Variants in MYOM2 observed in about 807,000 individuals in gnomAD.
MYOM2 encodes the protein myomesin 2, also known as myomesin-2.
In MYOM2, 254 loss-of-function variants were observed where a neutral mutation model predicts 187.6. The ratio of observed to expected loss-of-function variants is 1.35; its 90% CI spans 1.22 to 1.50. The LOEUF (loss-of-function observed/expected upper bound fraction) is 1.50, where lower values mean the gene tolerates loss of function less well. Among genes scored for constraint, MYOM2 ranks in the 40% most tolerant of loss-of-function variants. The probability of loss-of-function intolerance (pLI) is 0.00; values close to 1 mark genes in which losing one functional copy is unlikely to be tolerated. For missense variants in MYOM2, 2,796 were observed against 1,924.0 expected (o/e 1.45, Z -8.48); for synonymous variants, 981 against 753.8 (o/e 1.30, Z -4.94).
At chr8:2,127,168 C>A (rs970523278) in intron 31 of MYOM2, among the ~76,000 whole-genome samples, 3 of 152,018 alleles carry the variant, frequency 2.0e-5, no homozygotes, top group Non-Finnish European at 2.9e-5. Context: ...TATGGCTCTG[C>A]AGTGTGTTGA....
At chr8:2,066,721 G>A (rs1351277872) in intron 6 of MYOM2, among the ~76,000 whole-genome samples, 4 of 152,210 alleles carry the variant, frequency 2.6e-5, no homozygotes, top group Non-Finnish European at 5.9e-5. Context: ...AGTATTATGT[G>A]TGAATTATAT....
chr8:2,066,074 G>T (rs1483356351), intron 6 of MYOM2, among the ~76,000 whole-genome samples: 1 of 152,212 alleles, frequency 6.6e-6, no homozygotes, highest in Non-Finnish European at 1.5e-5. Context: ...GTGGGTCAAG[G>T]CGTTCACCCT....
chr8:2,085,515 GCCCC>G (rs67333717), intron 14 of MYOM2, 125 bp downstream of exon 14: 2 of 775,014 alleles, frequency 2.6e-6, no homozygotes, highest in African/African-American at 2.6e-5. Context: ...TCTCCGCGTG[GCCCC>G]CCACTGTTGT....
intron 32 of MYOM2, among the ~76,000 whole-genome samples, chr8:2,135,866 G>C (rs968850402): frequency 2.6e-5 from 4 of 152,202 alleles, no homozygotes; most frequent in African/African-American, 4.8e-5. Flanking sequence ...TTGAGCACTA[G>C]GACGTGTTTG....
At chr8:2,072,233 C>T (rs578254068) in intron 8 of MYOM2, 112 bp from the exon 9 acceptor site, 4 of 152,006 alleles carry the variant, frequency 2.6e-5, no homozygotes, top group Non-Finnish European at 5.2e-5. Context: ...TCCGTCCCCC[C>T]GCCCCCCGCC....
At position 2,112,234 on chromosome 8, in the gene MYOM2, A is replaced by G. The variant is rs148058264; in HGVS notation, c.3180+2703A>G. Reference sequence around the variant, plus strand: ...AAAGAAATACACCTTCAATTAGAGGAGGACAGAGAAGAAAGATAGAACCCA... The same window carrying G: ...AAAGAAATACACCTTCAATTAGAGGGGGACAGAGAAGAAAGATAGAACCCA... On this transcript the variant is annotated intron_variant, in intron 25 of 36. Coordinates refer to ENST00000262113, the MANE Select transcript of MYOM2 (RefSeq NM_003970.4). 3.1e-3 allele frequency among the ~76,000 whole-genome samples: 472 copies of G among 152,274 alleles called. 3 individuals are homozygous for G. The highest frequency in any genetic ancestry group is 0.011 in the African/African-American group (465 of 41,548).
At chr8:2,123,386 C>G (rs1466713425) in intron 29 of MYOM2, 21 bp downstream of exon 29, 1 of 1,321,498 alleles carries the variant, frequency 7.6e-7, no homozygotes, top group Non-Finnish European at 1.0e-6. Context: ...TTGAGTAACA[C>G]AAGAAAGCAA....
At chr8:2,070,762 T>G (rs1466565236) in intron 8 of MYOM2, among the ~76,000 whole-genome samples, 2 of 152,258 alleles carry the variant, frequency 1.3e-5, no homozygotes, top group African/African-American at 4.8e-5. Flanking sequence ...CAGTTGTTTT[T>G]CGTCGAAGTC....
chr8:2,121,604 T>C (rs766899711), intron 28 of MYOM2, among the ~76,000 whole-genome samples: 14 of 152,362 alleles, frequency 9.2e-5, no homozygotes, highest in Non-Finnish European at 2.1e-4. Context: ...GTTTTTCATT[T>C]AATAATGTGG....
chr8:2,114,705 G>C (rs1166484404), intron 25 of MYOM2, among the ~76,000 whole-genome samples: 1 of 152,164 alleles, frequency 6.6e-6, no homozygotes, highest in African/African-American at 2.4e-5. Context: ...CCCCACCTCA[G>C]GTGATCTGCC....
intron 14 of MYOM2, among the ~76,000 whole-genome samples, chr8:2,089,111 ATCTG>A (rs1796197708): frequency 1.3e-4 from 6 of 45,492 alleles, no homozygotes; most frequent in African/African-American, 3.0e-4. Flanking sequence ...CTGGGTTGCT[ATCTG>A]AATTTTCAGC....
At chr8:2,101,191 CA>C (rs367811543) in intron 20 of MYOM2, 137 bp downstream of exon 20, 5 of 836,560 alleles carry the variant, frequency 6.0e-6, no homozygotes, top group African/African-American at 1.7e-5. Context: ...ACTAAAAATA[CA>C]AAAAAATTAG....
intron 9 of MYOM2, 87 bp from the exon 10 acceptor site, chr8:2,073,252 C>A: frequency 1.4e-6 from 2 of 1,461,300 alleles, no homozygotes; most frequent in Non-Finnish European, 1.9e-6. Flanking sequence ...TCCTGTCCCG[C>A]TCTGAGACGA....
intron 18 of MYOM2, 117 bp from the exon 19 acceptor site, chr8:2,098,740 G>T: frequency 8.4e-7 from 1 of 1,184,770 alleles, no homozygotes; most frequent in South Asian, 1.8e-5. Context: ...CCAATTTCCC[G>T]ACAAGGTTCC....
chr8:2,050,898 C>A (rs199803424), intron 2 of MYOM2, 25 bp downstream of exon 2: 1 of 1,550,194 alleles, frequency 6.5e-7, no homozygotes, highest in Non-Finnish European at 8.9e-7. Context: ...GCTGATGAGA[C>A]GCGCAGAGCT....
chr8:2,115,995 T>A lies in MYOM2; in HGVS notation c.3216T>A (p.Ile1072=). Residue 1072 remains isoleucine, a synonymous_variant, in exon 26 of 37, where the codon ATT becomes ATA. Transcript: ENST00000262113. The part of the protein sequence containing the change: ...HRIKCDKATG[I]IEMVMDRFSI... The stretch of plus-strand genomic sequence containing the variant: ...TTAAATGTGACAAAGCTACTGGCAT[T>A]ATTGAGATGGTGATGGATCGATTTA... The A allele has an allele frequency of 6.2e-7, 1 of 1,614,072 alleles. No homozygotes were observed. The highest frequency in any genetic ancestry group is 1.1e-5 in the South Asian group (1 of 91,022).
chr8:2,140,561 A>C (rs1278640191), intron 32 of MYOM2, among the ~76,000 whole-genome samples, 162 bp from the exon 33 acceptor site: 1 of 152,234 alleles, frequency 6.6e-6, no homozygotes, highest in East Asian at 1.9e-4. Context: ...GATCTGAGTT[A>C]CTGATGTGGT....
intron 14 of MYOM2, among the ~76,000 whole-genome samples, chr8:2,086,569 C>A (rs1796083801): frequency 6.6e-6 from 1 of 150,758 alleles, no homozygotes; most frequent in South Asian, 2.1e-4. Context: ...ACTAGTTCAT[C>A]AGTGGGTCCA....
At chr8:2,055,348 G>A (rs534086571) in intron 3 of MYOM2, among the ~76,000 whole-genome samples, 3 of 152,312 alleles carry the variant, frequency 2.0e-5, no homozygotes, top group Admixed American at 2.0e-4. Flanking sequence ...GTGGCCCTAG[G>A]GGAGAGGCTC....
Sources: gnomAD v4.1 joint callset for allele counts (sites outside exome capture counted in the v4.1 genomes callset) on GRCh38, gnomAD v4.1.1 for gene constraint, MANE v1.5 for transcripts, NCBI Gene and HGNC (gene_info 2026-07-23, HGNC 2026-07-21) for gene names.